The following ATP1B2 variants were observed in gnomAD, a reference collection of about 807,000 sequenced individuals.
ATP1B2 encodes sodium/potassium-transporting ATPase subunit beta-2.
In ATP1B2, 12 loss-of-function variants were observed where a neutral mutation model predicts 37.3. That is an observed-to-expected ratio of 0.32 (90% CI 0.21 to 0.52). ATP1B2 has a LOEUF of 0.52. Ranked by LOEUF, ATP1B2 falls within the 20% of genes least tolerant of loss-of-function variation. ATP1B2 has a pLI of 0.96. For synonymous variants in ATP1B2, 139 were observed against 140.5 expected, an observed-to-expected ratio of 0.99 and a Z score of 0.07; for missense variants, 324 against 391.6, an observed-to-expected ratio of 0.83 and a Z score of 1.46.
At chr17:7,648,567 CAAAAAAAAAAAAAAAAA>C (rs58333874), upstream of ATP1B2, among the ~76,000 whole-genome samples, 6 of 69,708 alleles carry the variant, frequency 8.6e-5, 1 homozygote, top group East Asian at 2.1e-3. Context: ...ACTCTGTCTC[CAAAAAAAAAAAAAAAAA>C]AAAAAAAAAA....
rs1383243886 is a variant in ATP1B2, at chr17:7,651,484, C to CCGCCCCGCGCCCGGACT, written c.-23_-7dup. On this transcript the variant is annotated 5_prime_UTR_variant, in exon 1 of 7. Transcript: ENST00000250111. The stretch of plus-strand genomic sequence containing the variant: ...GGCGCCCCCGCTTCTCCGCAACCCC[C>CCGCCCCGCGCCCGGACT]CGCCCCGCGCCCGGACTCGCCCCGC... 4 of 1,544,432 alleles carry CCGCCCCGCGCCCGGACT rather than the reference C, an allele frequency of 2.6e-6. No homozygotes were observed. The highest frequency in any genetic ancestry group is 2.7e-5 in the African/African-American group (2 of 72,994).
In ATP1B2 at chr17:7,654,515, C is replaced by T. The variant is rs1223671293; in HGVS notation, c.553-113C>T. 1 of 1,215,460 alleles carries T rather than the reference C, an allele frequency of 8.2e-7. No homozygotes were observed. The highest frequency in any genetic ancestry group is 1.2e-6 in the Non-Finnish European group (1 of 825,530). The allele number at this position is 1,215,460 out of a possible 1,614,324, so 75.3% of individuals were successfully genotyped here. A position where few individuals can be genotyped will look rare whatever the true frequency, so the allele number is the denominator to read the frequency against. ...GAACTCCTGGAATTAAGCTATCCTC[C>T]CGCCTCAACCTCCCTAGTAGTTGGG... On this transcript the variant is annotated intron_variant, in intron 4 of 6. Coordinates refer to ENST00000250111, the MANE Select transcript of ATP1B2 (RefSeq NM_001678.5). The surrounding 1 kb of genome is among the most constrained non-coding windows in gnomAD (Gnocchi z 4.9).
rs1567533107 is a variant in ATP1B2, at chr17:7,655,817, CG to C, written c.796del (p.Ala266ProfsTer44). The part of the protein sequence containing the change: ...EVNVECRINA[A>X]NIATDDERDK... ...TGAATGTAGAATGTCGCATCAACGC[CG>C]CCAACATCGCCACAGACGATGAGCG... On this transcript the variant is annotated frameshift_variant, in exon 7 of 7. Coordinates refer to ENST00000250111, the MANE Select transcript of ATP1B2 (RefSeq NM_001678.5). LOFTEE classifies it high-confidence loss of function. This position sits in a 1 kb window ranked among gnomAD's most constrained non-coding sequence, Gnocchi z 4.4. 1 of 1,614,162 alleles carries C rather than the reference CG, an allele frequency of 6.2e-7. No homozygotes were observed.
upstream of ATP1B2, among the ~76,000 whole-genome samples, chr17:7,647,813 C>T (rs868397899): frequency 5.4e-4 from 61 of 113,416 alleles, no homozygotes; most frequent in South Asian, 2.0e-3. Flanking sequence ...AGTGAGACTC[C>T]GTCTCAAAAA....
upstream of ATP1B2, among the ~76,000 whole-genome samples, chr17:7,649,811 G>C (rs1485872928): frequency 2.0e-5 from 3 of 151,964 alleles, no homozygotes; most frequent in Non-Finnish European, 4.4e-5. Flanking sequence ...ACCCACCTCG[G>C]CCTCCCAAAG....
At chr17:7,646,907 A>G (rs2072579005), upstream of ATP1B2, among the ~76,000 whole-genome samples, 1 of 152,070 alleles carries the variant, frequency 6.6e-6, no homozygotes, top group South Asian at 2.1e-4. Context: ...GCGAGACCCC[A>G]TCTCTATGAA....
At chr17:7,650,697 CTATCTCTT>C (rs973357866), upstream of ATP1B2, among the ~76,000 whole-genome samples, 2 of 152,076 alleles carry the variant, frequency 1.3e-5, no homozygotes, top group African/African-American at 4.8e-5. Flanking sequence ...GACACGCCCT[CTATCTCTT>C]CCTCCCACCC....
chr17:7,653,322 G>A, intron 1 of ATP1B2, 52 bp from the exon 2 acceptor site: 1 of 1,611,360 alleles, frequency 6.2e-7, no homozygotes. Flanking sequence ...GGGGATAGTT[G>A]AGGTTATGGT....
At position 7,655,955 on chromosome 17, in the gene ATP1B2, G is replaced by A. The variant is rs949314963; in HGVS notation, c.*60G>A. 88 of 1,592,780 alleles carry A rather than the reference G, an allele frequency of 5.5e-5. No homozygotes were observed. The highest frequency in any genetic ancestry group is 1.7e-4 in the Admixed American group (10 of 59,274). ...ATGCTCCTGGAATGTCCCTGACCCT[G>A]CCTGATCCCTCCCTCACCCACCCCA... On this transcript the variant is annotated 3_prime_UTR_variant, in exon 7 of 7. Transcript: ENST00000250111. This position sits in a 1 kb window ranked among gnomAD's most constrained non-coding sequence, Gnocchi z 4.4.
Position 7,654,562 on chromosome 17 carries a change from T to C in ATP1B2, c.553-66T>C. 1 of 1,541,600 alleles carries C rather than the reference T, an allele frequency of 6.5e-7. No individual in the cohort carries two copies. The highest frequency in any genetic ancestry group is 1.4e-5 in the African/African-American group (1 of 73,358). Reference sequence around the variant, plus strand: ...TGGGACTACAGTCCCCGGCTTAGCTTGGTCTGGATGCCCATCTTCGACAAC... The same window carrying C: ...TGGGACTACAGTCCCCGGCTTAGCTCGGTCTGGATGCCCATCTTCGACAAC... On this transcript the variant is annotated intron_variant, in intron 4 of 6. Coordinates refer to ENST00000250111, the MANE Select transcript of ATP1B2 (RefSeq NM_001678.5). This position sits in a 1 kb window ranked among gnomAD's most constrained non-coding sequence, Gnocchi z 4.9.
chr17:7,656,666 G>GT lies in ATP1B2; in HGVS notation c.*778dup. The GT allele has an allele frequency of 6.5e-6, 1 of 152,900 alleles. No individual in the cohort carries two copies. Among genetic ancestry groups the GT allele is most frequent in the Non-Finnish European group, 1.5e-5 (1 of 68,728 alleles). The allele number at this position is 152,900 out of a possible 1,614,324, so 9.5% of individuals were successfully genotyped here. On this transcript the variant is annotated 3_prime_UTR_variant, in exon 7 of 7. Transcript: ENST00000250111. ...CCCGACTTCAGCAGTTTCTTTCTTT[G>GT]TTTTTTTGAGATGGAGTTTCGCTCT...
At chr17:7,650,401 CAG>C (rs958352337), upstream of ATP1B2, among the ~76,000 whole-genome samples, 4 of 152,116 alleles carry the variant, frequency 2.6e-5, no homozygotes, top group Admixed American at 6.5e-5. Context: ...CGGCTCCCAA[CAG>C]GGGAACGTCC....
At position 7,653,358 on chromosome 17, in the gene ATP1B2, GT is replaced by G. The variant is rs759722465; in HGVS notation, c.113-13del. ...GGGAACCTTGGGCCCTGCTGACCCT[GT>G]TTCCTCCTCCCTAGCCTTTATCCTC... On this transcript the variant is annotated splice_polypyrimidine_tract_variant and intron_variant, in intron 1 of 6. Coordinates refer to ENST00000250111, the MANE Select transcript of ATP1B2 (RefSeq NM_001678.5). The G allele has an allele frequency of 6.2e-7, 1 of 1,613,828 alleles. No individual in the cohort carries two copies. Among genetic ancestry groups the G allele is most frequent in the East Asian group, 2.2e-5 (1 of 44,868 alleles).
intron 1 of ATP1B2, among the ~76,000 whole-genome samples, chr17:7,653,121 A>G (rs903409354): frequency 6.6e-6 from 1 of 152,160 alleles, no homozygotes; most frequent in African/African-American, 2.4e-5. Flanking sequence ...AGGCAAAATA[A>G]CAGACCTCCA....
At position 7,651,188 on chromosome 17, in the gene ATP1B2, C is replaced by T; in HGVS notation, c.-331C>T. ...TTTTTGTAGCCGTCTGTTTTTGCAC[C>T]CCATTTCGTTTTGTTTCTAGACGGT... On this transcript the variant is annotated 5_prime_UTR_variant, in exon 1 of 7. Transcript: ENST00000250111. 7.3e-6 allele frequency: 2 copies of T among 274,864 alleles called. No individual in the cohort carries two copies. Among genetic ancestry groups the T allele is most frequent in the South Asian group, 3.7e-5 (1 of 27,198 alleles). The allele number at this position is 274,864 out of a possible 1,614,324, so 17.0% of individuals were successfully genotyped here.
At chr17:7,647,263 C>T (rs2072580909), upstream of ATP1B2, among the ~76,000 whole-genome samples, 1 of 152,104 alleles carries the variant, frequency 6.6e-6, no homozygotes, top group Admixed American at 6.6e-5. Context: ...TAGTCATGTC[C>T]CTGTTTTGGC....
rs1440320602 is a variant in ATP1B2 at position 7,655,816 on chromosome 17, C to A, written c.794C>A (p.Ala265Asp). Reference sequence around the variant, plus strand: ...GTGAATGTAGAATGTCGCATCAACGCCGCCAACATCGCCACAGACGATGAG... The same window carrying A: ...GTGAATGTAGAATGTCGCATCAACGACGCCAACATCGCCACAGACGATGAG... ...VEVNVECRIN[A>D]ANIATDDERD... The change falls in exon 7 of 7, where the codon GCC (alanine) becomes GAC (aspartate). Residue 265 changes from alanine to aspartate, a missense_variant. Ala to Asp is a moderately radical substitution (Grantham distance 126). Transcript: ENST00000250111. This position sits in a 1 kb window ranked among gnomAD's most constrained non-coding sequence, Gnocchi z 4.4. 6.2e-7 allele frequency: 1 copy of A among 1,614,160 alleles called. No individual in the cohort carries two copies. Among genetic ancestry groups the A allele is most frequent in the Admixed American group, 1.7e-5 (1 of 60,018 alleles).
In ATP1B2 at chr17:7,655,205, A is replaced by G. The variant is rs1452511879; in HGVS notation, c.610-322A>G. The G allele has an allele frequency of 2.4e-6, 1 of 425,440 alleles. No homozygotes were observed. Among genetic ancestry groups the G allele is most frequent in the South Asian group, 2.9e-5 (1 of 34,254 alleles). 26.4% of individuals were successfully genotyped at this position (425,440 alleles called of 1,614,324 possible). Reference sequence around the variant, plus strand: ...CTTGCTTCCTATTCAACCCTTAATCATGTATCTCTTCTTTCTTGGCTCTGC... The same window carrying G: ...CTTGCTTCCTATTCAACCCTTAATCGTGTATCTCTTCTTTCTTGGCTCTGC... On this transcript the variant is annotated intron_variant, in intron 5 of 6. Coordinates refer to ENST00000250111, the MANE Select transcript of ATP1B2 (RefSeq NM_001678.5). This position sits in a 1 kb window ranked among gnomAD's most constrained non-coding sequence, Gnocchi z 4.4.
At chr17:7,649,622 G>C (rs1166968327), upstream of ATP1B2, among the ~76,000 whole-genome samples, 1 of 140,736 alleles carries the variant, frequency 7.1e-6, no homozygotes, top group Non-Finnish European at 1.5e-5. Flanking sequence ...GAGCGATCTC[G>C]GCTCACTGCA....
Sources: gnomAD v4.1 joint callset for allele counts (sites outside exome capture counted in the v4.1 genomes callset) on GRCh38, gnomAD v4.1.1 for gene constraint, Gnocchi (gnomAD v3.1) non-coding constraint, MANE v1.5 for transcripts, NCBI Gene and HGNC (gene_info 2026-07-23, HGNC 2026-07-21) for gene names.